Variants in COL20A1 observed in about 807,000 individuals in gnomAD.
COL20A1 encodes the protein collagen type XX alpha 1 chain.
A neutral mutation model predicts 152.9 loss-of-function variants in COL20A1; 164 were observed. The ratio of observed to expected loss-of-function variants is 1.07; its 90% CI spans 0.94 to 1.22. The LOEUF is 1.22. Ranked by LOEUF, COL20A1 falls within the 50% of genes most tolerant of loss-of-function variation. The pLI is 0.00. For synonymous variants in COL20A1, 864 were observed against 756.0 expected, an observed-to-expected ratio of 1.14 and a Z score of -2.34; for missense variants, 1,873 against 1,744.8, an observed-to-expected ratio of 1.07 and a Z score of -1.31.
chr20:63,305,603 C>G lies in COL20A1; in HGVS notation c.337+43C>G. 1 of 1,545,716 alleles carries G rather than the reference C, an allele frequency of 6.5e-7. No individual in the cohort carries two copies. The highest frequency in any genetic ancestry group is 8.7e-7 in the Non-Finnish European group (1 of 1,147,646). ...CAGCTGGGTACCCACTCCTCCAGGC[C>G]GGGTCCCACCCTCCTCTGGGCTGGG... On this transcript the variant is annotated intron_variant, in intron 4 of 35. Coordinates refer to ENST00000358894, the MANE Select transcript of COL20A1 (RefSeq NM_020882.4). This position sits in a 1 kb window ranked among gnomAD's most constrained non-coding sequence, Gnocchi z 4.9.
chr20:63,296,201 C>T (rs2067792170), intron 2 of COL20A1, among the ~76,000 whole-genome samples: 1 of 152,264 alleles, frequency 6.6e-6, no homozygotes, highest in African/African-American at 2.4e-5. Context: ...TGAGCAGGTG[C>T]CTTGGTCCCC....
chr20:63,317,017 A>G (rs1354001283), intron 21 of COL20A1, among the ~76,000 whole-genome samples: 1 of 152,192 alleles, frequency 6.6e-6, no homozygotes, highest in Non-Finnish European at 1.5e-5. Flanking sequence ...GATGGGCCAA[A>G]CTGCCAGTAG....
chr20:63,309,633 A>C, intron 9 of COL20A1, 125 bp from the exon 10 acceptor site: 1 of 1,236,510 alleles, frequency 8.1e-7, no homozygotes, highest in Admixed American at 2.7e-5. Flanking sequence ...GCACCCCCTT[A>C]CATCTGTCCA....
intron 27 of COL20A1, among the ~76,000 whole-genome samples, chr20:63,323,171 TC>T (rs1568786759): frequency 6.6e-6 from 1 of 152,288 alleles, no homozygotes; most frequent in African/African-American, 2.4e-5. Flanking sequence ...GCCAATATTT[TC>T]TTGCTGGAGA....
chr20:63,298,369 C>T (rs933803849), intron 3 of COL20A1, among the ~76,000 whole-genome samples: 1 of 152,196 alleles, frequency 6.6e-6, no homozygotes, highest in African/African-American at 2.4e-5. Context: ...CAGCTCCCCG[C>T]AGCCTCAATC....
intron 20 of COL20A1, among the ~76,000 whole-genome samples, chr20:63,316,086 G>A (rs1568779888): frequency 6.6e-6 from 1 of 152,142 alleles, no homozygotes; most frequent in Non-Finnish European, 1.5e-5. Flanking sequence ...AGCTGGCCAC[G>A]CTGTGTGCCA....
intron 3 of COL20A1, among the ~76,000 whole-genome samples, chr20:63,301,671 T>A (rs2067864716): frequency 6.6e-6 from 1 of 152,194 alleles, no homozygotes; most frequent in Admixed American, 6.5e-5. Context: ...CTCTTCATTA[T>A]CTCTCTAGTG....
Position 63,305,439 on chromosome 20 carries a change from A to C in COL20A1, c.216A>C (p.Ile72=). 5.7e-6 allele frequency: 9 copies of C among 1,585,800 alleles called. No homozygotes were observed. Among genetic ancestry groups the C allele is most frequent in the Non-Finnish European group, 6.8e-6 (8 of 1,168,500 alleles). ...CAGGGGACTCGGAACAGGAGGTGAT[A>C]CTGACCACCAAGACCCCTAAGGCCA... ...PMAGDSEQEV[I]LTTKTPKATV... The change falls in exon 4 of 36, where the codon ATA becomes ATC. Residue 72 remains isoleucine (I), a synonymous_variant. Transcript: ENST00000358894. This position sits in a 1 kb window ranked among gnomAD's most constrained non-coding sequence, Gnocchi z 4.9.
Position 63,306,227 on chromosome 20 carries a change from C to T in COL20A1, c.496+188C>T, listed in dbSNP as rs533012046. On this transcript the variant is annotated intron_variant, in intron 5 of 35. Coordinates refer to ENST00000358894, the MANE Select transcript of COL20A1 (RefSeq NM_020882.4). This position sits in a 1 kb window ranked among gnomAD's most constrained non-coding sequence, Gnocchi z 6.9. ...ACCACGAGGCCGGGAAGTTCTTCCT[C>T]GTGTCTGACCACACGGTCTCTGACC... Among the ~76,000 whole-genome samples the T allele has an allele frequency of 1.6e-4, 21 of 134,532 alleles. No homozygotes were observed. Among genetic ancestry groups the T allele is most frequent in the South Asian group, 5.9e-4 (2 of 3,408 alleles). 88.3% of individuals were successfully genotyped at this position (134,532 alleles called of 152,430 possible). A position where few individuals can be genotyped will look rare whatever the true frequency, so the allele number is the denominator to read the frequency against.
intron 21 of COL20A1, 72 bp downstream of exon 21, chr20:63,316,763 G>T (rs745476612): frequency 3.6e-6 from 5 of 1,401,754 alleles, no homozygotes; most frequent in African/African-American, 2.9e-5. Context: ...GGACATGGTG[G>T]GGGGGCGGGC....
At chr20:63,314,783 C>T (rs528741439) in intron 19 of COL20A1, among the ~76,000 whole-genome samples, 5 of 152,032 alleles carry the variant, frequency 3.3e-5, no homozygotes, top group South Asian at 2.1e-4. Context: ...CCAGCCTGCC[C>T]GCACACCAGG....
rs1253999760 is a variant in COL20A1 at position 63,311,217 on chromosome 20, C to T, written c.1394-177C>T. ...ACAAAACTGTGGGGTGGCCTTGTGT[C>T]CCCAGAGCTGGAGCCACAAACCTTG... is the stretch of plus-strand genomic sequence containing the variant. On this transcript the variant is annotated intron_variant, in intron 11 of 35. Coordinates refer to ENST00000358894, the MANE Select transcript of COL20A1 (RefSeq NM_020882.4). This position sits in a 1 kb window ranked among gnomAD's most constrained non-coding sequence, Gnocchi z 4.4. 1.3e-5 allele frequency among the ~76,000 whole-genome samples: 2 copies of T among 152,218 alleles called. No homozygotes were observed. The highest frequency in any genetic ancestry group is 1.9e-4 in the East Asian group (1 of 5,200).
chr20:63,315,522 C>T (rs1156556215), intron 20 of COL20A1, 83 bp downstream of exon 20: 5 of 1,275,946 alleles, frequency 3.9e-6, no homozygotes, highest in African/African-American at 1.5e-5. Context: ...GGTGTCGTGA[C>T]CTGGGACCCA....
chr20:63,312,080 C>T, intron 14 of COL20A1, 25 bp downstream of exon 14: 2 of 1,530,868 alleles, frequency 1.3e-6, no homozygotes, highest in Non-Finnish European at 1.8e-6. Flanking sequence ...CTCCGGGGGC[C>T]CGAGTGTCTT....
In COL20A1 at chr20:63,308,667, C is replaced by A; in HGVS notation, c.901C>A (p.Arg301Ser). 6.2e-7 allele frequency: 1 copy of A among 1,607,180 alleles called. No homozygotes were observed. The highest frequency in any genetic ancestry group is 8.5e-7 in the Non-Finnish European group (1 of 1,177,332). The change falls in exon 8 of 36, where the codon CGT (arginine) becomes AGT (serine). Residue 301 changes from arginine to serine, a missense_variant. Arg to Ser is a moderately radical substitution (Grantham distance 110). Coordinates refer to ENST00000358894, the MANE Select transcript of COL20A1 (RefSeq NM_020882.4). ...KSQDDVHTAA[R>S]VLKDLGVNVF... is the part of the protein sequence containing the mutation. The stretch of plus-strand genomic sequence containing the variant: ...CCAGGACGATGTGCACACTGCTGCC[C>A]GTGTCCTCAAGGACCTGGGCGTGAA...
At chr20:63,324,741 G>A (rs925665035) in intron 27 of COL20A1, 2 of 153,686 alleles carry the variant, frequency 1.3e-5, no homozygotes, top group Non-Finnish European at 2.9e-5. Flanking sequence ...AAATAAGACT[G>A]TCACAGTTTT....
At chr20:63,309,172 C>T (rs1401476739) in intron 8 of COL20A1, among the ~76,000 whole-genome samples, 161 bp from the exon 9 acceptor site, 2 of 152,216 alleles carry the variant, frequency 1.3e-5, no homozygotes, top group Admixed American at 6.5e-5. Context: ...ATGCCCCCAA[C>T]CCCTCGGGAG....
chr20:63,329,330 G>A (rs1214424916), intron 34 of COL20A1: 1 of 560,200 alleles, frequency 1.8e-6, no homozygotes, highest in Non-Finnish European at 3.2e-6. Context: ...GAGGGTGACA[G>A]GCACTATCAC....
intron 1 of COL20A1, among the ~76,000 whole-genome samples, chr20:63,294,784 C>T (rs770608389): frequency 6.6e-6 from 1 of 152,232 alleles, no homozygotes; most frequent in Non-Finnish European, 1.5e-5. Flanking sequence ...CACCCCTGCA[C>T]TGGGCGTGGG....
Sources: gnomAD v4.1 joint callset for allele counts (sites outside exome capture counted in the v4.1 genomes callset) on GRCh38, gnomAD v4.1.1 for gene constraint, Gnocchi (gnomAD v3.1) non-coding constraint, MANE v1.5 for transcripts, NCBI Gene and HGNC (gene_info 2026-07-23, HGNC 2026-07-21) for gene names.